DAB1: variants seen among roughly 807,000 people sequenced by gnomAD.
DAB1 encodes disabled homolog 1.
In DAB1, 15 loss-of-function variants were observed where a neutral mutation model predicts 64.6. The observed-to-expected ratio is 0.23, with a 90% confidence interval of 0.16 to 0.36. The LOEUF (loss-of-function observed/expected upper bound fraction) is 0.36. Ranked by LOEUF, DAB1 falls within the 10% of genes least tolerant of loss-of-function variation. The pLI is 1.00. For synonymous variants in DAB1, 235 were observed against 251.9 expected (o/e 0.93, Z 0.64); for missense variants, 596 against 706.7 (o/e 0.84, Z 1.78).
At chr1:57,728,611 A>AC (rs1252827523) in intron 6 of DAB1, among the ~76,000 whole-genome samples, 4 of 151,546 alleles carry the variant, frequency 2.6e-5, no homozygotes, top group Middle Eastern at 3.4e-3. Context: ...AACAACAACA[A>AC]AAAAAAACCA....
chr1:57,736,906 T>C (rs1275269440), intron 6 of DAB1, among the ~76,000 whole-genome samples: 2 of 152,122 alleles, frequency 1.3e-5, no homozygotes, highest in Admixed American at 6.5e-5. Context: ...CTGAGAGTAG[T>C]TTAAGGAAGA....
intron 6 of DAB1, among the ~76,000 whole-genome samples, chr1:57,672,410 C>G (rs1050345177): frequency 6.6e-6 from 1 of 152,070 alleles, no homozygotes; most frequent in Admixed American, 6.6e-5. Context: ...AAAAATAAAA[C>G]AGTTGCTATG....
At chr1:57,439,520 C>T (rs942777405) in intron 7 of DAB1, among the ~76,000 whole-genome samples, 3 of 149,152 alleles carry the variant, frequency 2.0e-5, no homozygotes, top group African/African-American at 7.5e-5. Flanking sequence ...GCTCCACCTC[C>T]CGAGTTCATG....
At chr1:57,928,005 T>C (rs1486364446) in intron 5 of DAB1, among the ~76,000 whole-genome samples, 2 of 152,238 alleles carry the variant, frequency 1.3e-5, no homozygotes, top group East Asian at 3.8e-4. Context: ...TCTATACACT[T>C]TCCCCTAAAC....
At chr1:58,196,719 T>C (rs71511468) in intron 4 of DAB1, among the ~76,000 whole-genome samples, 13,563 of 152,118 alleles carry the variant, frequency 0.089, 799 homozygotes, top group Non-Finnish European at 0.14. Flanking sequence ...AACTGCCACT[T>C]ATAAACCATC....
At chr1:57,927,173 C>T (rs1292093855) in intron 5 of DAB1, among the ~76,000 whole-genome samples, 1 of 152,188 alleles carries the variant, frequency 6.6e-6, no homozygotes, top group Non-Finnish European at 1.5e-5. Flanking sequence ...TGACAGTTTC[C>T]TTCTTGTACA....
intron 6 of DAB1, among the ~76,000 whole-genome samples, chr1:57,677,852 A>G (rs57888870): frequency 0.021 from 3,166 of 152,302 alleles, 108 homozygotes; most frequent in African/African-American, 0.073. Context: ...GCCCTCAAGG[A>G]GCTCATAGTT....
chr1:58,031,460 A>G (rs562456176), intron 5 of DAB1, among the ~76,000 whole-genome samples: 90 of 152,312 alleles, frequency 5.9e-4, no homozygotes, highest in Middle Eastern at 3.4e-3. Context: ...ACCTGAAATA[A>G]GAATCTTCAG....
intron 2 of DAB1, among the ~76,000 whole-genome samples, chr1:57,163,889 C>T (rs1015159213): frequency 1.4e-4 from 21 of 152,016 alleles, no homozygotes; most frequent in African/African-American, 5.1e-4. Context: ...AACCTGGTGC[C>T]TTAATATTCC....
intron 2 of DAB1, among the ~76,000 whole-genome samples, chr1:57,257,226 T>C (rs897378855): frequency 3.3e-5 from 5 of 152,190 alleles, no homozygotes; most frequent in Non-Finnish European, 7.3e-5. Flanking sequence ...CATTAGCCCC[T>C]ACTTGGTGGC....
chr1:58,017,665 C>A (rs1483654556), intron 5 of DAB1, among the ~76,000 whole-genome samples: 2 of 152,166 alleles, frequency 1.3e-5, no homozygotes, highest in Non-Finnish European at 2.9e-5. Flanking sequence ...ACTATGCTAC[C>A]TACCCACTTC....
chr1:57,418,733 T>A (rs546817225), intron 1 of DAB1, among the ~76,000 whole-genome samples: 2 of 152,302 alleles, frequency 1.3e-5, no homozygotes, highest in East Asian at 3.9e-4. Context: ...AGATTGGTTA[T>A]ATGTCAGCTT....
At chr1:58,326,169 C>T (rs1429582762) in intron 4 of DAB1, among the ~76,000 whole-genome samples, 1 of 152,160 alleles carries the variant, frequency 6.6e-6, no homozygotes, top group Admixed American at 6.5e-5. Context: ...CTAATTAGTC[C>T]TCAAATTATC....
intron 4 of DAB1, among the ~76,000 whole-genome samples, chr1:58,204,888 A>G (rs1048470736): frequency 3.3e-5 from 5 of 152,190 alleles, no homozygotes; most frequent in Admixed American, 1.3e-4. Flanking sequence ...TCCAACTAAG[A>G]GTTCCTATGA....
At chr1:57,449,585 C>A (rs1417556407) in intron 7 of DAB1, among the ~76,000 whole-genome samples, 2 of 151,988 alleles carry the variant, frequency 1.3e-5, no homozygotes, top group Non-Finnish European at 1.5e-5. Context: ...TGTTATGTTG[C>A]CCAGGCTGGT....
At chr1:57,053,842 C>T (rs1217095522) in intron 9 of DAB1, among the ~76,000 whole-genome samples, 1 of 151,550 alleles carries the variant, frequency 6.6e-6, no homozygotes, top group Non-Finnish European at 1.5e-5. Context: ...AGTGTGCCAC[C>T]ACACCTGGCT....
chr1:57,529,376 C>G (rs1379481437), intron 7 of DAB1, among the ~76,000 whole-genome samples: 1 of 152,038 alleles, frequency 6.6e-6, no homozygotes, highest in Non-Finnish European at 1.5e-5. Context: ...TTAAATCCAA[C>G]TCTATCTTAA....
chr1:58,300,630 G>GACAGAC (rs1381883612), intron 4 of DAB1, among the ~76,000 whole-genome samples: 1 of 70,930 alleles, frequency 1.4e-5, no homozygotes, highest in African/African-American at 5.4e-5. Flanking sequence ...GAGAGAGAGA[G>GACAGAC]AGAGAGAGAG....
intron 1 of DAB1, among the ~76,000 whole-genome samples, chr1:57,407,153 T>C (rs144823): frequency 0.78 from 118,115 of 152,214 alleles, 46,842 homozygotes; most frequent in African/African-American, 0.94. Flanking sequence ...TTGCTTTCTG[T>C]AGCAAATTGT....
Sources: allele counts gnomAD v4.1 joint callset (sites outside exome capture counted in the v4.1 genomes callset), GRCh38; gene constraint gnomAD v4.1.1; transcripts MANE v1.5; gene names NCBI Gene and HGNC (gene_info 2026-07-23, HGNC 2026-07-21).